Variants in RBL1 observed in about 807,000 individuals in gnomAD.
RBL1 encodes RB transcriptional corepressor like 1.
A neutral mutation model predicts 123.0 loss-of-function variants in RBL1; 82 were observed. The ratio of observed to expected loss-of-function variants is 0.67; its 90% CI spans 0.56 to 0.80. The LOEUF (loss-of-function observed/expected upper bound fraction) is 0.80. RBL1 is among the 30% of genes least tolerant of loss of function. The probability of loss-of-function intolerance (pLI) is 0.00; values close to 1 mark genes in which losing one functional copy is unlikely to be tolerated. For synonymous variants in RBL1, 405 were observed against 441.3 expected, an observed-to-expected ratio of 0.92 and a Z score of 1.03; for missense variants, 1,171 against 1,299.6, an observed-to-expected ratio of 0.90 and a Z score of 1.52.
intron 16 of RBL1, among the ~76,000 whole-genome samples, chr20:37,023,541 T>C (rs1373346760): frequency 6.6e-6 from 1 of 152,014 alleles, no homozygotes; most frequent in African/African-American, 2.4e-5. Context: ...CAAAAATGAG[T>C]CAGAAAGCAA....
At chr20:37,073,045 G>A (rs1371462542) in intron 2 of RBL1, among the ~76,000 whole-genome samples, 1 of 152,062 alleles carries the variant, frequency 6.6e-6, no homozygotes, top group Non-Finnish European at 1.5e-5. Flanking sequence ...TTGACTTCCT[G>A]GGCTCAAGCA....
intron 6 of RBL1, 59 bp from the exon 7 acceptor site, chr20:37,065,532 A>G (rs1271468297): frequency 9.8e-6 from 11 of 1,124,068 alleles, no homozygotes; most frequent in Non-Finnish European, 1.4e-5. Context: ...TACACACACA[A>G]ACGTGAAATT....
At chr20:37,001,623 C>T (rs982002124) in intron 21 of RBL1, among the ~76,000 whole-genome samples, 2 of 150,572 alleles carry the variant, frequency 1.3e-5, no homozygotes, top group African/African-American at 4.9e-5. Flanking sequence ...ACAAACACTG[C>T]GGAAGGCTGC....
At chr20:37,028,704 C>G (rs2064461454) in intron 16 of RBL1, among the ~76,000 whole-genome samples, 1 of 152,058 alleles carries the variant, frequency 6.6e-6, no homozygotes. Flanking sequence ...AGAGGCTGGC[C>G]AACTACTTAC....
chr20:37,083,160 T>C (rs376967795), intron 2 of RBL1, among the ~76,000 whole-genome samples: 6 of 152,168 alleles, frequency 3.9e-5, no homozygotes, highest in African/African-American at 1.2e-4. Context: ...CATTAAAAAT[T>C]TGACACTTAA....
At chr20:37,004,854 C>A (rs919135374) in intron 20 of RBL1, among the ~76,000 whole-genome samples, 2 of 149,554 alleles carry the variant, frequency 1.3e-5, no homozygotes, top group East Asian at 4.1e-4. Context: ...ATGGTGAAAC[C>A]CCACTTCAGC....
At chr20:37,014,085 CTTTTT>C (rs1184794374) in intron 19 of RBL1, among the ~76,000 whole-genome samples, 3 of 136,300 alleles carry the variant, frequency 2.2e-5, no homozygotes, top group African/African-American at 2.7e-5. Flanking sequence ...AACTTTCTCT[CTTTTT>C]TTTTTTTTTT....
intron 2 of RBL1, among the ~76,000 whole-genome samples, chr20:37,079,835 T>C (rs1177507418): frequency 2.0e-5 from 3 of 152,158 alleles, no homozygotes; most frequent in Non-Finnish European, 4.4e-5. Flanking sequence ...TTCTGAAGTT[T>C]ACGTAAAATT....
At chr20:37,068,854 C>T (rs148045803) in intron 2 of RBL1, among the ~76,000 whole-genome samples, 439 of 151,588 alleles carry the variant, frequency 2.9e-3, no homozygotes, top group African/African-American at 0.01. Context: ...CCTCTCCCCA[C>T]GGTCTCCCTC....
intron 13 of RBL1, among the ~76,000 whole-genome samples, chr20:37,042,847 C>T (rs900862083): frequency 1.4e-5 from 2 of 145,562 alleles, no homozygotes; most frequent in South Asian, 2.2e-4. Context: ...TGCAGTGAGC[C>T]GTGATGGCGC....
chr20:37,091,346 G>T (rs907873025), intron 1 of RBL1, among the ~76,000 whole-genome samples: 2 of 148,018 alleles, frequency 1.4e-5, no homozygotes, highest in African/African-American at 5.0e-5. Flanking sequence ...CAACGGGAGT[G>T]AGACTCCATC....
intron 2 of RBL1, among the ~76,000 whole-genome samples, chr20:37,073,503 GC>G (rs895274998): frequency 6.6e-6 from 1 of 151,308 alleles, no homozygotes; most frequent in Non-Finnish European, 1.5e-5. Flanking sequence ...TTTGAGACCA[GC>G]CTGGGCAACA....
intron 21 of RBL1, among the ~76,000 whole-genome samples, chr20:36,999,495 C>T (rs1439431016): frequency 1.3e-5 from 2 of 150,432 alleles, no homozygotes; most frequent in South Asian, 4.2e-4. Flanking sequence ...TCCCTCTCCC[C>T]ACGGTCTCCC....
intron 19 of RBL1, among the ~76,000 whole-genome samples, chr20:37,016,263 G>T (rs55736615): frequency 6.6e-6 from 1 of 151,362 alleles, no homozygotes; most frequent in Non-Finnish European, 1.5e-5. Context: ...CCTGACCTCA[G>T]ATGATCCACC....
At chr20:37,092,199 G>C (rs2065658904) in intron 1 of RBL1, among the ~76,000 whole-genome samples, 1 of 152,126 alleles carries the variant, frequency 6.6e-6, no homozygotes, top group Non-Finnish European at 1.5e-5. Flanking sequence ...AAAAGAGAAA[G>C]AGTTGTTTGG....
chr20:37,049,829 G>C (rs1240481326), intron 11 of RBL1: 1 of 424,294 alleles, frequency 2.4e-6, no homozygotes, highest in Admixed American at 3.8e-5. Flanking sequence ...TTGGGAGGCT[G>C]AGGTGGGTGG....
chr20:37,012,943 CGCCCCG>C (rs2064186408), intron 19 of RBL1, among the ~76,000 whole-genome samples: 3 of 151,142 alleles, frequency 2.0e-5, no homozygotes, highest in Non-Finnish European at 4.4e-5. Context: ...GCCAGCCAGC[CGCCCCG>C]TCCGGGAGGG....
chr20:37,073,705 G>GAA (rs796752326), intron 2 of RBL1, among the ~76,000 whole-genome samples: 1 of 103,152 alleles, frequency 9.7e-6, no homozygotes, highest in Non-Finnish European at 1.8e-5. Context: ...CTCAAAAAAA[G>GAA]AAAAAAAAAA....
intron 21 of RBL1, among the ~76,000 whole-genome samples, chr20:37,003,101 TAAG>T (rs1251244990): frequency 1.3e-5 from 2 of 152,172 alleles, no homozygotes; most frequent in African/African-American, 2.4e-5. Flanking sequence ...AGGAAAGTAA[TAAG>T]AAGGAGCCAC....
Sources: gnomAD v4.1 joint callset for allele counts (sites outside exome capture counted in the v4.1 genomes callset) on GRCh38, gnomAD v4.1.1 for gene constraint, MANE v1.5 for transcripts, NCBI Gene and HGNC (gene_info 2026-07-23, HGNC 2026-07-21) for gene names.